NF2: variants seen among roughly 807,000 people sequenced by gnomAD.
NF2 encodes merlin.
In NF2, 8 loss-of-function variants were observed where a neutral mutation model predicts 83.7. The observed-to-expected ratio is 0.10, with a 90% CI of 0.06 to 0.17. NF2 has a LOEUF of 0.17. Ranked by LOEUF, NF2 falls within the 10% of genes least tolerant of loss-of-function variation. The pLI is 1.00. For synonymous variants in NF2, 266 were observed against 269.6 expected, an observed-to-expected ratio of 0.99 and a Z score of 0.13; for missense variants, 533 against 744.4, an observed-to-expected ratio of 0.72 and a Z score of 3.31.
chr22:29,692,360 G>A (rs559868825), intron 15 of NF2, among the ~76,000 whole-genome samples: 5 of 152,270 alleles, frequency 3.3e-5, no homozygotes, highest in South Asian at 4.1e-4. Context: ...GGGCTGAGGC[G>A]CTGCAGTGCA....
intron 4 of NF2, among the ~76,000 whole-genome samples, chr22:29,653,336 C>G (rs907757017): frequency 1.3e-5 from 2 of 149,972 alleles, no homozygotes; most frequent in Admixed American, 1.3e-4. Context: ...CCCAGTTGCT[C>G]AGGATACTGA....
intron 2 of NF2, among the ~76,000 whole-genome samples, chr22:29,637,138 G>A (rs1355242753): frequency 1.3e-5 from 2 of 152,200 alleles, no homozygotes; most frequent in Admixed American, 6.5e-5. Flanking sequence ...CAGCCTGATT[G>A]CTTCTGGCTT....
chr22:29,696,066 C>CTTTTT lies in NF2; in HGVS notation c.*1283_*1287dup, dbSNP rs886057354. The CTTTTT allele has an allele frequency of 1.6e-4, 25 of 155,944 alleles. No individual in the cohort carries two copies. The highest frequency in any genetic ancestry group is 1.8e-4 in the Non-Finnish European group (15 of 81,522). The allele number at this position is 155,944 out of a possible 1,614,324, so 9.7% of individuals were successfully genotyped here. On this transcript the variant is annotated 3_prime_UTR_variant, in exon 16 of 16. Coordinates refer to ENST00000338641, the MANE Select transcript of NF2 (RefSeq NM_000268.4). Reference sequence around the variant, plus strand: ...GTCTGGGGCCACCTTCTTGCCCTTTCTTTTTTTTTTTTTTTTTTTTTTTCC... The same window carrying CTTTTT: ...GTCTGGGGCCACCTTCTTGCCCTTTCTTTTTTTTTTTTTTTTTTTTTTTTTTTTCC...
intron 1 of NF2, among the ~76,000 whole-genome samples, chr22:29,614,748 G>A (rs181424667): frequency 6.6e-6 from 1 of 151,890 alleles, no homozygotes; most frequent in African/African-American, 2.4e-5. Context: ...CCAAAAAAAA[G>A]CTTAAAATGG....
At position 29,681,455 on chromosome 22, in the gene NF2, A is replaced by C; in HGVS notation, c.1591A>C (p.Lys531Gln). 1 of 1,614,168 alleles carries C rather than the reference A, an allele frequency of 6.2e-7. No individual in the cohort carries two copies. The highest frequency in any genetic ancestry group is 8.5e-7 in the Non-Finnish European group (1 of 1,180,028). ...TGCCGGCAGAGTGGAATACATGGAA[A>C]AGAGCAAGCATCTGCAGGAGCAGCT... ...IEKEKVEYME[K>Q]SKHLQEQLNE... Residue 531 changes from lysine to glutamine, a missense_variant, in exon 15 of 16, where the codon AAG (lysine) becomes CAG (glutamine). This residue lies in a region of NF2 where 199 missense variants were observed against 240.7 expected (regional missense o/e 0.83). Transcript: ENST00000338641.
intron 1 of NF2, among the ~76,000 whole-genome samples, chr22:29,620,725 CAA>C (rs879719181): frequency 4.2e-5 from 6 of 143,084 alleles, no homozygotes; most frequent in Admixed American, 2.8e-4. Flanking sequence ...ACTCCGACTC[CAA>C]AAAAAAAAAT....
chr22:29,678,124 GGTT>G, intron 13 of NF2, 69 bp from the exon 14 acceptor site: 1 of 1,603,966 alleles, frequency 6.2e-7, no homozygotes, highest in South Asian at 1.1e-5. Flanking sequence ...CTGGAGGATC[GGTT>G]GTCAACACAG....
intron 1 of NF2, among the ~76,000 whole-genome samples, chr22:29,616,869 A>G (rs924667931): frequency 6.6e-6 from 1 of 151,870 alleles, no homozygotes; most frequent in Admixed American, 6.6e-5. Context: ...TATTTGATAG[A>G]TGTTAGATGT....
chr22:29,657,652 T>G (rs1312373424), intron 6 of NF2, among the ~76,000 whole-genome samples: 2 of 152,210 alleles, frequency 1.3e-5, no homozygotes, highest in Non-Finnish European at 1.5e-5. Context: ...TATTGCTACT[T>G]CAAGAGCTTA....
rs535381670 is a variant in NF2 at position 29,613,486 on chromosome 22, G to A, written c.114+9374G>A. Among the ~76,000 whole-genome samples the A allele has an allele frequency of 3.3e-5, 5 of 152,250 alleles. No individual in the cohort carries two copies. In the East Asian group the frequency reaches 7.8e-4, roughly 24 times the overall value. Reference sequence around the variant, plus strand: ...GTGGAGGTTGCAGTGAGTCGAGATCGTGCTATTGCACTCCAGCCTGGGGGA... The same window carrying A: ...GTGGAGGTTGCAGTGAGTCGAGATCATGCTATTGCACTCCAGCCTGGGGGA... On this transcript the variant is annotated intron_variant, in intron 1 of 15. Transcript: ENST00000338641.
In NF2 at chr22:29,698,364, T is replaced by C; in HGVS notation, c.*3562T>C. The C allele has an allele frequency of 4.5e-6, 1 of 220,412 alleles. No individual in the cohort carries two copies. The highest frequency in any genetic ancestry group is 9.1e-6 in the Non-Finnish European group (1 of 109,950). 13.7% of individuals were successfully genotyped at this position (220,412 alleles called of 1,614,324 possible). A position where few individuals can be genotyped will look rare whatever the true frequency, so the allele number is the denominator to read the frequency against. Reference sequence around the variant, plus strand: ...TGACAGGGTGGGGCCTCACCACCCCTGGAGGGAGCAGCGTTGGCAGGGAGA... The same window carrying C: ...TGACAGGGTGGGGCCTCACCACCCCCGGAGGGAGCAGCGTTGGCAGGGAGA... On this transcript the variant is annotated 3_prime_UTR_variant, in exon 16 of 16. Transcript: ENST00000338641.
In NF2 at chr22:29,603,753, C is replaced by G. The variant is rs56733822; in HGVS notation, c.-246C>G. On this transcript the variant is annotated 5_prime_UTR_variant, in exon 1 of 16. Transcript: ENST00000338641. ...CCCGGAGTGCCGGGTCGCGCCTGCA[C>G]CGAAGGTCCCGGCTCCTGTGCCCTC... is the stretch of plus-strand genomic sequence containing the variant. 0.014 allele frequency: 7,001 copies of G among 517,514 alleles called. 271 individuals are homozygous for G. The highest frequency in any genetic ancestry group is 0.12 in the East Asian group (3,601 of 30,890). The allele number at this position is 517,514 out of a possible 1,614,324, so 32.1% of individuals were successfully genotyped here.
intron 15 of NF2, among the ~76,000 whole-genome samples, chr22:29,682,689 G>C (rs1345262943): frequency 6.6e-6 from 1 of 152,174 alleles, no homozygotes; most frequent in African/African-American, 2.4e-5. Context: ...CGGTCATTAA[G>C]GAAAGAGGTA....
chr22:29,645,207 T>C (rs1447445939), intron 4 of NF2, among the ~76,000 whole-genome samples: 2 of 152,164 alleles, frequency 1.3e-5, no homozygotes, highest in Non-Finnish European at 2.9e-5. Flanking sequence ...TTTAATCATT[T>C]GATGGCTCAT....
chr22:29,646,259 T>C (rs559713996), intron 4 of NF2, among the ~76,000 whole-genome samples: 22 of 152,318 alleles, frequency 1.4e-4, no homozygotes, highest in African/African-American at 5.1e-4. Context: ...TTTTATGAAA[T>C]TTTTAGCCCA....
intron 1 of NF2, among the ~76,000 whole-genome samples, chr22:29,614,268 C>A (rs985924841): frequency 6.6e-6 from 1 of 151,270 alleles, no homozygotes; most frequent in Non-Finnish European, 1.5e-5. Context: ...ATGGTGAAAC[C>A]CCATCTCTAC....
At chr22:29,676,675 C>T (rs2066972468) in intron 13 of NF2, among the ~76,000 whole-genome samples, 1 of 152,112 alleles carries the variant, frequency 6.6e-6, no homozygotes, top group African/African-American at 2.4e-5. Flanking sequence ...CAATTTTGAA[C>T]AAAATGACAC....
chr22:29,659,893 A>G (rs1435928661), intron 7 of NF2, among the ~76,000 whole-genome samples: 3 of 152,192 alleles, frequency 2.0e-5, no homozygotes, highest in Non-Finnish European at 2.9e-5. Context: ...AGAGTCTCTC[A>G]TGGTTTGGTG....
At chr22:29,633,495 C>T (rs745391846) in intron 1 of NF2, among the ~76,000 whole-genome samples, 4 of 152,134 alleles carry the variant, frequency 2.6e-5, no homozygotes, top group Non-Finnish European at 4.4e-5. Context: ...CAGGGGTTGG[C>T]CTACTTTCTG....
Sources: allele counts gnomAD v4.1 joint callset (sites outside exome capture counted in the v4.1 genomes callset), GRCh38; gene constraint gnomAD v4.1.1; regional missense constraint gnomAD v4.1.1; transcripts MANE v1.5; gene names NCBI Gene and HGNC (gene_info 2026-07-23, HGNC 2026-07-21).